The following SEM1 variants were observed in gnomAD, a reference collection of about 807,000 sequenced individuals.
SEM1 encodes the protein 26S proteasome complex subunit SEM1.
In SEM1, 3 loss-of-function variants were observed where a neutral mutation model predicts 12.7. The observed-to-expected ratio is 0.24, with a 90% CI of 0.11 to 0.61. The LOEUF is 0.61. Among genes scored for constraint, SEM1 ranks in the 20% least tolerant of loss-of-function variants. The pLI is 0.88. For missense variants in SEM1, 59 were observed against 81.3 expected (o/e 0.73, Z 1.06); for synonymous variants, 30 against 27.8 (o/e 1.08, Z -0.25).
intron 2 of SEM1, among the ~76,000 whole-genome samples, chr7:96,630,552 A>T (rs774325701): frequency 6.9e-4 from 105 of 152,166 alleles, no homozygotes; most frequent in Non-Finnish European, 3.4e-4. Flanking sequence ...GGCCCAGGGC[A>T]GGTCCAGAAA....
At chr7:96,506,877 G>A (rs539075947) in intron 2 of SEM1, among the ~76,000 whole-genome samples, 2 of 152,168 alleles carry the variant, frequency 1.3e-5, no homozygotes, top group Admixed American at 6.5e-5. Context: ...ATACTCAACA[G>A]TATTGTATAT....
At chr7:96,623,791 C>T (rs529394146) in intron 2 of SEM1, among the ~76,000 whole-genome samples, 1 of 152,166 alleles carries the variant, frequency 6.6e-6, no homozygotes, top group South Asian at 2.1e-4. Context: ...TTTATTATCT[C>T]AAAGTTCCAG....
intron 2 of SEM1, among the ~76,000 whole-genome samples, chr7:96,570,440 G>C (rs1399644863): frequency 6.6e-6 from 1 of 151,896 alleles, no homozygotes; most frequent in Non-Finnish European, 1.5e-5. Context: ...GTGAGAACAC[G>C]TGGTGTTTGG....
intron 2 of SEM1, among the ~76,000 whole-genome samples, chr7:96,611,265 CA>C (rs1807530989): frequency 6.6e-6 from 1 of 152,156 alleles, no homozygotes; most frequent in South Asian, 2.1e-4. Context: ...TGCCCCTGTG[CA>C]TGTAATGTTA....
downstream of SEM1, chr7:96,672,990 T>TG (rs1403412605): frequency 9.3e-5 from 14 of 150,666 alleles, no homozygotes; most frequent in Non-Finnish European, 2.1e-4. Flanking sequence ...TAGAATTAAG[T>TG]GAAAAAATGC....
chr7:96,552,193 C>T (rs1805302074), intron 2 of SEM1, among the ~76,000 whole-genome samples: 1 of 72,842 alleles, frequency 1.4e-5, no homozygotes, highest in Admixed American at 1.3e-4. Flanking sequence ...AGGAGTTTCT[C>T]TCTTTTTTTT....
intron 2 of SEM1, among the ~76,000 whole-genome samples, chr7:96,664,818 G>A (rs954300707): frequency 6.6e-6 from 1 of 152,148 alleles, no homozygotes; most frequent in Non-Finnish European, 1.5e-5. Flanking sequence ...TGGTAGGATG[G>A]TTGAATAAAT....
downstream of SEM1, among the ~76,000 whole-genome samples, chr7:96,620,912 T>C (rs1008869303): frequency 6.6e-5 from 10 of 152,190 alleles, no homozygotes; most frequent in African/African-American, 2.4e-4. Context: ...ATTTACCTGT[T>C]GAGTGATTTT....
intron 2 of SEM1, among the ~76,000 whole-genome samples, chr7:96,530,100 T>C (rs866340947): frequency 6.6e-5 from 10 of 152,104 alleles, no homozygotes; most frequent in Admixed American, 6.6e-4. Context: ...CGTGTTACCA[T>C]TGTAACATGA....
At chr7:96,539,182 C>T (rs984807883) in intron 2 of SEM1, among the ~76,000 whole-genome samples, 8 of 151,762 alleles carry the variant, frequency 5.3e-5, no homozygotes, top group African/African-American at 1.9e-4. Context: ...GGATCCTTCC[C>T]CAGTTGAACC....
chr7:96,597,340 G>T (rs1282712897), intron 2 of SEM1, among the ~76,000 whole-genome samples: 2 of 152,074 alleles, frequency 1.3e-5, no homozygotes, highest in Admixed American at 6.6e-5. Flanking sequence ...GATTTATATG[G>T]AACTTGGAAG....
intron 2 of SEM1, among the ~76,000 whole-genome samples, chr7:96,694,597 A>G (rs959958878): frequency 1.3e-5 from 2 of 152,010 alleles, no homozygotes; most frequent in East Asian, 3.8e-4. Context: ...AAGACCAGAA[A>G]GAATAAAAGT....
At chr7:96,620,458 C>A (rs75006580), downstream of SEM1, among the ~76,000 whole-genome samples, 2 of 152,070 alleles carry the variant, frequency 1.3e-5, no homozygotes, top group Non-Finnish European at 2.9e-5. Context: ...TGTGGGGTAC[C>A]CTTTCTGGAG....
intron 2 of SEM1, among the ~76,000 whole-genome samples, chr7:96,569,275 G>A (rs962719773): frequency 2.0e-5 from 3 of 151,838 alleles, no homozygotes; most frequent in African/African-American, 4.8e-5. Context: ...TTTCTTCTTG[G>A]TAAACAGATC....
intron 1 of SEM1, among the ~76,000 whole-genome samples, chr7:96,489,830 G>A (rs941282919): frequency 1.3e-5 from 2 of 152,188 alleles, no homozygotes; most frequent in African/African-American, 2.4e-5. Context: ...GTGTATCTAT[G>A]TCTGTGCGCC....
chr7:96,608,180 GGTAGGCAA>G (rs1419209502), intron 2 of SEM1, among the ~76,000 whole-genome samples: 8 of 152,112 alleles, frequency 5.3e-5, no homozygotes, highest in Admixed American at 6.5e-5. Context: ...GAAGTTACTT[GGTAGGCAA>G]GAAGGAAAGG....
chr7:96,550,926 A>G (rs1805249705), intron 2 of SEM1, among the ~76,000 whole-genome samples: 1 of 152,220 alleles, frequency 6.6e-6, no homozygotes, highest in South Asian at 2.1e-4. Context: ...GTGTAATGGA[A>G]AGAAGAAACC....
chr7:96,506,216 A>C (rs1803750163), intron 3 of SEM1, among the ~76,000 whole-genome samples: 2 of 152,200 alleles, frequency 1.3e-5, no homozygotes, highest in South Asian at 4.1e-4. Flanking sequence ...CTTGTCACAG[A>C]ATCAGCCACT....
chr7:96,654,361 G>A (rs1239870821), intron 2 of SEM1, among the ~76,000 whole-genome samples: 1 of 152,142 alleles, frequency 6.6e-6, no homozygotes, highest in African/African-American at 2.4e-5. Flanking sequence ...TCAAGGACTG[G>A]GATACAAATG....
Sources: gnomAD v4.1 joint callset for allele counts (sites outside exome capture counted in the v4.1 genomes callset) on GRCh38, gnomAD v4.1.1 for gene constraint, MANE v1.5 for transcripts, NCBI Gene and HGNC (gene_info 2026-07-23, HGNC 2026-07-21) for gene names.